SCNN1B: variants seen among roughly 807,000 people sequenced by gnomAD.
SCNN1B encodes epithelial sodium channel subunit beta.
In SCNN1B, 46 loss-of-function variants were observed where a neutral mutation model predicts 65.3. That is an observed-to-expected ratio of 0.70 (90% confidence interval 0.56 to 0.90). SCNN1B has a LOEUF of 0.90. Among genes scored for constraint, SCNN1B ranks in the 40% least tolerant of loss-of-function variants. SCNN1B has a pLI of 0.00. For synonymous variants in SCNN1B, 349 were observed against 330.6 expected (o/e 1.06, Z -0.60); for missense variants, 751 against 830.5 (o/e 0.90, Z 1.18).
At chr16:23,330,450 A>T (rs1385726418) in intron 1 of SCNN1B, among the ~76,000 whole-genome samples, 1 of 152,166 alleles carries the variant, frequency 6.6e-6, no homozygotes, top group Non-Finnish European at 1.5e-5. Context: ...GCCAGACAGG[A>T]TTCTGAGGGG....
Position 23,381,029 on chromosome 16 carries a change from G to C in SCNN1B, c.*228G>C. 2 of 609,950 alleles carry C rather than the reference G, an allele frequency of 3.3e-6. No individual in the cohort carries two copies. Among genetic ancestry groups the C allele is most frequent in the Non-Finnish European group, 5.9e-6 (2 of 338,526 alleles). 37.8% of individuals were successfully genotyped at this position (609,950 alleles called of 1,614,324 possible). A position where few individuals can be genotyped will look rare whatever the true frequency, so the allele number is the denominator to read the frequency against. On this transcript the variant is annotated 3_prime_UTR_variant, in exon 13 of 13. Transcript: ENST00000343070. Reference sequence around the variant, plus strand: ...GCAGGAATAAATTGTATCTTCACCTGGTTCCTACCCTCGTCCCTACCTGTC... The same window carrying C: ...GCAGGAATAAATTGTATCTTCACCTCGTTCCTACCCTCGTCCCTACCTGTC...
chr16:23,360,111 G>A (rs540470554), intron 4 of SCNN1B, among the ~76,000 whole-genome samples: 202 of 152,122 alleles, frequency 1.3e-3, no homozygotes, highest in Middle Eastern at 0.01. Context: ...GCTGAGGTAG[G>A]AGGCTGAACC....
At chr16:23,329,757 T>G (rs74707050) in intron 1 of SCNN1B, among the ~76,000 whole-genome samples, 1 of 152,246 alleles carries the variant, frequency 6.6e-6, no homozygotes, top group Non-Finnish European at 1.5e-5. Flanking sequence ...CATCTTTTTT[T>G]CCATACTGGG....
At chr16:23,367,451 C>G (rs183346326) in intron 4 of SCNN1B, among the ~76,000 whole-genome samples, 89 of 152,258 alleles carry the variant, frequency 5.8e-4, no homozygotes, top group Non-Finnish European at 9.3e-4. Context: ...CATGCACCAC[C>G]ACACCTGGCT....
intron 1 of SCNN1B, among the ~76,000 whole-genome samples, chr16:23,341,551 G>C (rs1348675898): frequency 6.6e-6 from 1 of 152,186 alleles, no homozygotes; most frequent in Non-Finnish European, 1.5e-5. Context: ...ATGTTTGCAA[G>C]TCCTGTCTGT....
chr16:23,300,138 C>A (rs1961052815), upstream of SCNN1B, among the ~76,000 whole-genome samples: 1 of 151,998 alleles, frequency 6.6e-6, no homozygotes, highest in Admixed American at 6.6e-5. Flanking sequence ...GGGAGTTGAA[C>A]AATGAGAACA....
intron 4 of SCNN1B, 44 bp downstream of exon 4, chr16:23,355,533 G>A (rs34345382): frequency 8.0e-5 from 127 of 1,596,060 alleles, no homozygotes; most frequent in Non-Finnish European, 1.0e-4. Flanking sequence ...CTGGCACCGA[G>A]AGACAGTGGC....
chr16:23,303,555 C>T (rs1961129630), intron 1 of SCNN1B, among the ~76,000 whole-genome samples: 1 of 152,062 alleles, frequency 6.6e-6, no homozygotes. Context: ...GGAGTGTTTC[C>T]TTCTAGACCC....
At chr16:23,344,383 T>C (rs1962141781) in intron 1 of SCNN1B, among the ~76,000 whole-genome samples, 1 of 152,186 alleles carries the variant, frequency 6.6e-6, no homozygotes, top group Non-Finnish European at 1.5e-5. Flanking sequence ...TAGAAAAGGG[T>C]AGACATTCTA....
At chr16:23,351,985 C>A (rs1245970659) in intron 2 of SCNN1B, among the ~76,000 whole-genome samples, 1 of 152,194 alleles carries the variant, frequency 6.6e-6, no homozygotes, top group African/African-American at 2.4e-5. Context: ...CAAAATCACA[C>A]CAACTCCTGG....
At chr16:23,294,483 G>A (rs959655024) in intron 2 of SCNN1B, among the ~76,000 whole-genome samples, 25 of 126,430 alleles carry the variant, frequency 2.0e-4, no homozygotes, top group African/African-American at 7.8e-4. Flanking sequence ...TCACCTCTCT[G>A]AACCCCCCTC....
intron 8 of SCNN1B, 134 bp downstream of exon 8, chr16:23,375,989 A>C: frequency 3.0e-6 from 2 of 665,584 alleles, no homozygotes; most frequent in Non-Finnish European, 5.4e-6. Flanking sequence ...CCACAGTCTG[A>C]GGTCCCTCCT....
intron 5 of SCNN1B, among the ~76,000 whole-genome samples, chr16:23,368,628 A>G (rs977302100): frequency 6.6e-6 from 1 of 152,174 alleles, no homozygotes; most frequent in Non-Finnish European, 1.5e-5. Flanking sequence ...AGTAAATCGT[A>G]TCTACCGTGT....
At chr16:23,329,918 T>C (rs1596841122) in intron 1 of SCNN1B, among the ~76,000 whole-genome samples, 1 of 151,612 alleles carries the variant, frequency 6.6e-6, no homozygotes, top group East Asian at 1.9e-4. Context: ...CTCAGCTACA[T>C]GGGAGACTGA....
Position 23,380,989 on chromosome 16 carries a change from G to T in SCNN1B, c.*188G>T. 1.4e-6 allele frequency: 1 copy of T among 698,090 alleles called. No homozygotes were observed. Among genetic ancestry groups the T allele is most frequent in the East Asian group, 2.5e-5 (1 of 39,504 alleles). 43.2% of individuals were successfully genotyped at this position (698,090 alleles called of 1,614,324 possible). A position where few individuals can be genotyped will look rare whatever the true frequency, so the allele number is the denominator to read the frequency against. On this transcript the variant is annotated 3_prime_UTR_variant, in exon 13 of 13. Coordinates refer to ENST00000343070, the MANE Select transcript of SCNN1B (RefSeq NM_000336.3). The surrounding 1 kb of genome is among the most constrained non-coding windows in gnomAD (Gnocchi z 5.4). Reference sequence around the variant, plus strand: ...TGGCCAAGGGCTCTGTAGAATCACGGTGCTGGTACAGGATGCAGGAATAAA... The same window carrying T: ...TGGCCAAGGGCTCTGTAGAATCACGTTGCTGGTACAGGATGCAGGAATAAA...
chr16:23,381,148 C>A lies in SCNN1B; in HGVS notation c.*347C>A, dbSNP rs1270165501. On this transcript the variant is annotated 3_prime_UTR_variant, in exon 13 of 13. Transcript: ENST00000343070. ...AGTCTCCATCCACCCCAGAGAGGAACAGGCGGGTGGGCCATGTGGTTTTCT... is the reference window on the plus strand; with the variant it reads ...AGTCTCCATCCACCCCAGAGAGGAAAAGGCGGGTGGGCCATGTGGTTTTCT... 4 of 366,598 alleles carry A rather than the reference C, an allele frequency of 1.1e-5. No individual in the cohort carries two copies. Among genetic ancestry groups the A allele is most frequent in the East Asian group, 1.2e-4 (2 of 16,506 alleles). 22.7% of individuals were successfully genotyped at this position (366,598 alleles called of 1,614,324 possible).
intron 5 of SCNN1B, among the ~76,000 whole-genome samples, chr16:23,368,593 A>G (rs1962720185): frequency 6.6e-6 from 1 of 152,178 alleles, no homozygotes; most frequent in African/African-American, 2.4e-5. Flanking sequence ...ATTAGTATAT[A>G]GTAGCAGAGC....
At chr16:23,333,103 AAGGAAGGGAGGG>A (rs1208072968) in intron 1 of SCNN1B, among the ~76,000 whole-genome samples, 3 of 114,708 alleles carry the variant, frequency 2.6e-5, no homozygotes, top group African/African-American at 8.2e-5. Flanking sequence ...GGGAGGAAGG[AAGGAAGGGAGGG>A]AGGGAGGGAG....
Position 23,380,289 on chromosome 16 carries a change from A to C in SCNN1B, c.1542+120A>C. ...TAGGAAGATCCCTAAGACAGTCCCA[A>C]GTTATTCCCCTGGGCCAAGATGGTC... On this transcript the variant is annotated intron_variant, in intron 12 of 12. Transcript: ENST00000343070. This position sits in a 1 kb window ranked among gnomAD's most constrained non-coding sequence, Gnocchi z 5.4. 35 of 1,510,246 alleles carry C rather than the reference A, an allele frequency of 2.3e-5. No individual in the cohort carries two copies. The highest frequency in any genetic ancestry group is 3.2e-5 in the Non-Finnish European group (35 of 1,088,186). The allele number at this position is 1,510,246 out of a possible 1,614,324, so 93.6% of individuals were successfully genotyped here. A position where few individuals can be genotyped will look rare whatever the true frequency, so the allele number is the denominator to read the frequency against.
Sources: allele counts gnomAD v4.1 joint callset (sites outside exome capture counted in the v4.1 genomes callset), GRCh38; gene constraint gnomAD v4.1.1; non-coding constraint Gnocchi (gnomAD v3.1); transcripts MANE v1.5; gene names NCBI Gene and HGNC (gene_info 2026-07-23, HGNC 2026-07-21).